The following DCLK2 variants were observed in gnomAD, a reference collection of about 807,000 sequenced individuals.
DCLK2 encodes doublecortin like kinase 2.
Under a neutral mutation model 78.4 loss-of-function variants are expected in DCLK2, and 31 were observed. The observed-to-expected ratio is 0.40, with a 90% confidence interval of 0.30 to 0.53. The LOEUF (loss-of-function observed/expected upper bound fraction) is 0.53, where lower values mean the gene tolerates loss of function less well. DCLK2 is among the 20% of genes least tolerant of loss of function. The probability of loss-of-function intolerance (pLI) is 0.61; values close to 1 mark genes in which losing one functional copy is unlikely to be tolerated. For missense variants in DCLK2, 872 were observed against 973.7 expected, an observed-to-expected ratio of 0.90 and a Z score of 1.39; for synonymous variants, 407 against 374.9, an observed-to-expected ratio of 1.09 and a Z score of -0.99.
In DCLK2 at chr4:150,256,338, C is replaced by T; in HGVS notation, c.*91C>T. The T allele has an allele frequency of 1.4e-6, 2 of 1,428,316 alleles. No individual in the cohort carries two copies. The highest frequency in any genetic ancestry group is 2.5e-5 in the East Asian group (1 of 39,882). 88.5% of individuals were successfully genotyped at this position (1,428,316 alleles called of 1,614,324 possible). On this transcript the variant is annotated 3_prime_UTR_variant, in exon 16 of 16. Transcript: ENST00000296550. ...CGGCCTCCCTGCTGCAGGCCTCCCT[C>T]TCTTCACCGCCTGCGCCTGAGTTCG...
intron 8 of DCLK2, among the ~76,000 whole-genome samples, chr4:150,228,955 A>G (rs891445942): frequency 6.6e-6 from 1 of 150,608 alleles, no homozygotes; most frequent in East Asian, 2.0e-4. Context: ...GAACCCGGGA[A>G]GCGGAGCTTG....
intron 12 of DCLK2, among the ~76,000 whole-genome samples, chr4:150,247,304 AC>A (rs1743393584): frequency 6.6e-6 from 1 of 152,140 alleles, no homozygotes. Flanking sequence ...AAGAATCACC[AC>A]CGTCCCTTTC....
At chr4:150,094,572 T>G (rs988566436) in intron 1 of DCLK2, among the ~76,000 whole-genome samples, 15 of 152,184 alleles carry the variant, frequency 9.9e-5, no homozygotes, top group African/African-American at 3.6e-4. Flanking sequence ...CCTACGAGTG[T>G]CTCAGACCAT....
intron 12 of DCLK2, among the ~76,000 whole-genome samples, chr4:150,246,715 G>A (rs1202390236): frequency 1.3e-5 from 2 of 152,146 alleles, no homozygotes. Context: ...ATGGGAGGTT[G>A]GGGACGTCTT....
chr4:150,224,818 C>T (rs937788479), intron 8 of DCLK2, among the ~76,000 whole-genome samples: 1 of 152,108 alleles, frequency 6.6e-6, no homozygotes, highest in Non-Finnish European at 1.5e-5. Flanking sequence ...ATTTTAACAC[C>T]CAACAATACT....
At chr4:150,243,788 C>T (rs1233063276) in intron 12 of DCLK2, among the ~76,000 whole-genome samples, 2 of 151,052 alleles carry the variant, frequency 1.3e-5, no homozygotes, top group African/African-American at 4.9e-5. Flanking sequence ...TGATCACAGC[C>T]CACTCCAGGC....
intron 2 of DCLK2, among the ~76,000 whole-genome samples, chr4:150,139,389 A>G (rs1580579021): frequency 1.3e-5 from 2 of 152,294 alleles, no homozygotes; most frequent in African/African-American, 2.4e-5. Flanking sequence ...GGTGTGTAAA[A>G]GGAGTATCCG....
intron 2 of DCLK2, among the ~76,000 whole-genome samples, chr4:150,121,939 A>G (rs1732576192): frequency 6.6e-6 from 1 of 152,214 alleles, no homozygotes; most frequent in Admixed American, 6.5e-5. Context: ...TTTTTCCAGT[A>G]GGTCTCAACA....
chr4:150,146,984 A>T (rs1440531341), intron 2 of DCLK2, among the ~76,000 whole-genome samples: 1 of 151,970 alleles, frequency 6.6e-6, no homozygotes, highest in African/African-American at 2.4e-5. Context: ...TCTGAGGGTC[A>T]ATTGAAATAC....
At chr4:150,218,143 C>T (rs1443953552) in intron 5 of DCLK2, among the ~76,000 whole-genome samples, 2 of 141,414 alleles carry the variant, frequency 1.4e-5, no homozygotes, top group Non-Finnish European at 3.1e-5. Flanking sequence ...AAGGCTTCAG[C>T]CTAGGTGCCA....
chr4:150,251,860 G>A (rs547582664), intron 15 of DCLK2, among the ~76,000 whole-genome samples: 9 of 150,826 alleles, frequency 6.0e-5, no homozygotes, highest in Admixed American at 1.3e-4. Flanking sequence ...TCTGTCCCCC[G>A]GCTGCGTTTA....
At chr4:150,106,167 G>A (rs1190712285) in intron 2 of DCLK2, among the ~76,000 whole-genome samples, 2 of 151,172 alleles carry the variant, frequency 1.3e-5, no homozygotes, top group Non-Finnish European at 2.9e-5. Context: ...CAGCGAACCG[G>A]GTATTCTTAA....
At chr4:150,195,419 T>TA (rs1297161074) in intron 3 of DCLK2, among the ~76,000 whole-genome samples, 19 of 1,830 alleles carry the variant, frequency 0.01, 2 homozygotes, top group African/African-American at 0.017. Context: ...ATATATATTA[T>TA]ATAATATTAT....
chr4:150,150,240 T>C (rs1232204942), intron 2 of DCLK2, among the ~76,000 whole-genome samples: 1 of 152,228 alleles, frequency 6.6e-6, no homozygotes. Context: ...AGAGAGTATG[T>C]GCTGTACCTT....
intron 2 of DCLK2, among the ~76,000 whole-genome samples, chr4:150,179,841 A>G (rs1242070547): frequency 6.6e-6 from 1 of 152,218 alleles, no homozygotes; most frequent in African/African-American, 2.4e-5. Flanking sequence ...TTAAAGAGCT[A>G]GACAGTTTGT....
intron 2 of DCLK2, among the ~76,000 whole-genome samples, chr4:150,130,471 G>A (rs1421706164): frequency 1.3e-5 from 2 of 152,042 alleles, no homozygotes; most frequent in African/African-American, 4.8e-5. Flanking sequence ...GAACATGCAT[G>A]CACGTACAGC....
At chr4:150,082,823 C>T (rs989267243) in intron 1 of DCLK2, among the ~76,000 whole-genome samples, 23 of 152,104 alleles carry the variant, frequency 1.5e-4, no homozygotes, top group African/African-American at 2.9e-4. Context: ...AGTTCTGTTC[C>T]GTGTGTCTTC....
chr4:150,157,876 G>A (rs1388014635), intron 2 of DCLK2, among the ~76,000 whole-genome samples: 1 of 152,070 alleles, frequency 6.6e-6, no homozygotes, highest in Non-Finnish European at 1.5e-5. Context: ...TGATCTGCCT[G>A]CCTCAGCCTC....
At chr4:150,106,186 G>C (rs1731238451) in intron 2 of DCLK2, among the ~76,000 whole-genome samples, 1 of 152,072 alleles carries the variant, frequency 6.6e-6, no homozygotes, top group East Asian at 1.9e-4. Flanking sequence ...AAAAGCTATA[G>C]TTTTCTTAGT....
Sources: allele counts gnomAD v4.1 joint callset (sites outside exome capture counted in the v4.1 genomes callset), GRCh38; gene constraint gnomAD v4.1.1; transcripts MANE v1.5; gene names NCBI Gene and HGNC (gene_info 2026-07-23, HGNC 2026-07-21).